The following RGR variants were observed in gnomAD, a reference collection of about 807,000 sequenced individuals.
The protein encoded by RGR is retinal G protein coupled receptor.
In RGR, 30 loss-of-function variants were observed where a neutral mutation model predicts 28.6. The observed-to-expected ratio is 1.05, with a 90% confidence interval of 0.78 to 1.42. The LOEUF (loss-of-function observed/expected upper bound fraction) is 1.42. Ranked by LOEUF, RGR falls within the 40% of genes most tolerant of loss-of-function variation. RGR has a pLI of 0.00. For synonymous variants in RGR, 180 were observed against 156.4 expected (o/e 1.15, Z -1.13); for missense variants, 404 against 375.6 (o/e 1.08, Z -0.62).
intron 5 of RGR, among the ~76,000 whole-genome samples, chr10:84,256,686 G>A (rs1220991787): frequency 2.6e-5 from 4 of 152,156 alleles, no homozygotes; most frequent in African/African-American, 9.6e-5. Flanking sequence ...CATAGGCGCC[G>A]CTTCTAGGCT....
At chr10:84,256,769 G>A (rs1842893294) in intron 5 of RGR, among the ~76,000 whole-genome samples, 1 of 152,040 alleles carries the variant, frequency 6.6e-6, no homozygotes, top group African/African-American at 2.4e-5. Flanking sequence ...TCAGGCAGCC[G>A]GGAGACAAGG....
intron 5 of RGR, among the ~76,000 whole-genome samples, chr10:84,254,783 C>A (rs1221412503): frequency 6.6e-6 from 1 of 152,180 alleles, no homozygotes; most frequent in Non-Finnish European, 1.5e-5. Flanking sequence ...TGCCTGTCAC[C>A]TCCATCCCAT....
intron 1 of RGR, among the ~76,000 whole-genome samples, chr10:84,245,825 A>G (rs926908497): frequency 2.6e-5 from 4 of 152,356 alleles, no homozygotes; most frequent in African/African-American, 7.2e-5. Flanking sequence ...ACCTACCTCA[A>G]CCTAGAATCC....
chr10:84,252,310 G>T (rs901214554), intron 3 of RGR, among the ~76,000 whole-genome samples: 27 of 152,196 alleles, frequency 1.8e-4, no homozygotes, highest in Admixed American at 1.5e-3. Context: ...GAGGATGGTG[G>T]TAAGTCCAGA....
chr10:84,247,897 A>C (rs1235920816), intron 2 of RGR, 150 bp downstream of exon 2: 7 of 1,107,170 alleles, frequency 6.3e-6, no homozygotes, highest in Non-Finnish European at 7.9e-6. Flanking sequence ...GCTGAATTCC[A>C]GATTGATTCT....
rs1197716856 is a variant in RGR, at chr10:84,249,030, C to T, written c.345C>T (p.His115=). 1 of 1,613,862 alleles carries T rather than the reference C, an allele frequency of 6.2e-7. No individual in the cohort carries two copies. Among genetic ancestry groups the T allele is most frequent in the East Asian group, 2.2e-5 (1 of 44,874 alleles). ...CAGCCATCGCATGGGGGCGTTATCA[C>T]CACTACTGCACCCGTATGTATCTGG... ...SSAAIAWGRY[H]HYCTRSQLAW... is the part of the protein sequence containing the mutation. The change falls in exon 3 of 7, where the codon CAC becomes CAT. Residue 115 remains histidine, a synonymous_variant. Coordinates refer to ENST00000652092, the MANE Select transcript of RGR (RefSeq NM_001012720.2).
chr10:84,245,124 G>A lies in RGR; in HGVS notation c.34G>A (p.Gly12Arg), dbSNP rs751874712. ...AETSALPTGF[G>R]ELEVLAVGMV... ...GACCAGTGCCCTGCCCACTGGCTTC[G>A]GGGAGCTCGAGGTGCTGGCTGTGGG... The change falls in exon 1 of 7, where the codon GGG becomes AGG. Residue 12 changes from glycine (G) to arginine (R), a missense_variant. Coordinates refer to ENST00000652092, the MANE Select transcript of RGR (RefSeq NM_001012720.2). The A allele has an allele frequency of 2.7e-5, 44 of 1,613,304 alleles. No homozygotes were observed. The highest frequency in any genetic ancestry group is 2.2e-5 in the South Asian group (2 of 91,024).
rs185790141 is a variant in RGR at position 84,259,798 on chromosome 10, G to T, written c.*1159G>T. The T allele has an allele frequency of 1.3e-5, 2 of 151,964 alleles. No individual in the cohort carries two copies. Among genetic ancestry groups the T allele is most frequent in the East Asian group, 3.9e-4 (2 of 5,192 alleles). 9.4% of individuals were successfully genotyped at this position (151,964 alleles called of 1,614,324 possible). A position where few individuals can be genotyped will look rare whatever the true frequency, so the allele number is the denominator to read the frequency against. Reference sequence around the variant, plus strand: ...CTTATATATTCTGGATAATAGTCTGGATAATATATTCTGGATAATATATAA... The same window carrying T: ...CTTATATATTCTGGATAATAGTCTGTATAATATATTCTGGATAATATATAA... On this transcript the variant is annotated 3_prime_UTR_variant, in exon 7 of 7. Coordinates refer to ENST00000652092, the MANE Select transcript of RGR (RefSeq NM_001012720.2).
At position 84,254,329 on chromosome 10, in the gene RGR, C is replaced by T. The variant is rs1364604371; in HGVS notation, c.516C>T (p.Asn172=). ...CTLDYSKGDR[N]FTSFLFTMSF... ...CCTCCACCCGCTCTCCCTGTAGAAA[C>T]TTCACCAGCTTCCTCTTCACCATGT... The change falls in exon 5 of 7, where the codon AAC becomes AAT. Residue 172 remains asparagine, a synonymous_variant. Transcript: ENST00000652092. 2.5e-6 allele frequency: 4 copies of T among 1,614,106 alleles called. No homozygotes were observed. Among genetic ancestry groups the T allele is most frequent in the Non-Finnish European group, 3.4e-6 (4 of 1,179,940 alleles).
chr10:84,257,490 G>A (rs1390898990), intron 5 of RGR, among the ~76,000 whole-genome samples: 1 of 152,126 alleles, frequency 6.6e-6, no homozygotes, highest in Non-Finnish European at 1.5e-5. Flanking sequence ...ATCCCAGCAC[G>A]TTGGGAGGCC....
At chr10:84,256,055 C>T (rs1168789258) in intron 5 of RGR, among the ~76,000 whole-genome samples, 87 of 66,208 alleles carry the variant, frequency 1.3e-3, no homozygotes, top group Non-Finnish European at 1.7e-3. Flanking sequence ...TTTTTTTTTC[C>T]TTTCTTTTTT....
At chr10:84,245,643 G>C (rs1490342750) in intron 1 of RGR, among the ~76,000 whole-genome samples, 3 of 152,160 alleles carry the variant, frequency 2.0e-5, no homozygotes, top group Non-Finnish European at 2.9e-5. Flanking sequence ...ATTCCGAATG[G>C]GTGGTTGTAA....
In RGR at chr10:84,245,316, A is replaced by C. The variant is rs1589328179; in HGVS notation, c.79+147A>C. On this transcript the variant is annotated intron_variant, in intron 1 of 6. Coordinates refer to ENST00000652092, the MANE Select transcript of RGR (RefSeq NM_001012720.2). ...TGGCTGCCTTCCCCTCTGTGCCCGG[A>C]CTCGGGGGGTGTTCTGACAATTGAA... 14 of 701,652 alleles carry C rather than the reference A, an allele frequency of 2.0e-5. No homozygotes were observed. The South Asian group carries it at 2.4e-4, about 12-fold the overall frequency. 43.5% of individuals were successfully genotyped at this position (701,652 alleles called of 1,614,324 possible). A position where few individuals can be genotyped will look rare whatever the true frequency, so the allele number is the denominator to read the frequency against.
chr10:84,248,267 A>AG, intron 2 of RGR: 1 of 1,033,436 alleles, frequency 9.7e-7, no homozygotes, highest in South Asian at 2.2e-5. Flanking sequence ...GATAAGAGGC[A>AG]GGGAGGGGCA....
intron 2 of RGR, chr10:84,248,681 A>G: frequency 1.6e-6 from 1 of 617,920 alleles, no homozygotes; most frequent in Non-Finnish European, 2.9e-6. Flanking sequence ...TCACGCAGAG[A>G]GAGCCTATGG....
chr10:84,245,303 C>T, intron 1 of RGR, 134 bp downstream of exon 1: 1 of 780,884 alleles, frequency 1.3e-6, no homozygotes. Flanking sequence ...GCTGCCTTCC[C>T]CTCTGTGCCC....
At position 84,248,528 on chromosome 10, in the gene RGR, A is replaced by G. The variant is rs538865574; in HGVS notation, c.237-394A>G. 2.8e-4 allele frequency: 89 copies of G among 321,598 alleles called. 1 individual carries two copies. Among genetic ancestry groups the G allele is most frequent in the South Asian group, 2.6e-3 (84 of 31,746 alleles). The allele number at this position is 321,598 out of a possible 1,614,324, so 19.9% of individuals were successfully genotyped here. ...AGTTTCCACCTTTGCTTGCCCTTTT[A>G]GGCTGGGGAGGCCTGGGATCTCCCC... is the stretch of plus-strand genomic sequence containing the variant. On this transcript the variant is annotated intron_variant, in intron 2 of 6. Coordinates refer to ENST00000652092, the MANE Select transcript of RGR (RefSeq NM_001012720.2).
intron 3 of RGR, among the ~76,000 whole-genome samples, chr10:84,252,499 A>G (rs1055387865): frequency 1.3e-5 from 2 of 152,212 alleles, no homozygotes; most frequent in African/African-American, 4.8e-5. Context: ...ATTCTTCATA[A>G]CAATCCTCTG....
chr10:84,246,450 T>G (rs1342497385), intron 1 of RGR, among the ~76,000 whole-genome samples: 1 of 152,198 alleles, frequency 6.6e-6, no homozygotes, highest in East Asian at 1.9e-4. Flanking sequence ...ACTCACGGTT[T>G]AGCTCCCACT....
Sources: gnomAD v4.1 joint callset for allele counts (sites outside exome capture counted in the v4.1 genomes callset) on GRCh38, gnomAD v4.1.1 for gene constraint, MANE v1.5 for transcripts, NCBI Gene and HGNC (gene_info 2026-07-23, HGNC 2026-07-21) for gene names.